The following PRKN variants were observed in gnomAD, a reference collection of about 807,000 sequenced individuals.
The protein encoded by PRKN is parkin RBR E3 ubiquitin protein ligase.
A neutral mutation model predicts 59.5 loss-of-function variants in PRKN; 56 were observed. The ratio of observed to expected loss-of-function variants is 0.94; its 90% confidence interval spans 0.76 to 1.18. The LOEUF (loss-of-function observed/expected upper bound fraction) is 1.18, where lower values mean the gene tolerates loss of function less well. Among genes scored for constraint, PRKN ranks in the 50% most tolerant of loss-of-function variants. The probability of loss-of-function intolerance (pLI) is 0.00; values close to 1 mark genes in which losing one functional copy is unlikely to be tolerated. For synonymous variants in PRKN, 250 were observed against 222.1 expected (o/e 1.13, Z -1.12); for missense variants, 657 against 596.4 (o/e 1.10, Z -1.06).
chr6:162,007,312 T>C (rs2128265708), intron 5 of PRKN, among the ~76,000 whole-genome samples: 1 of 152,274 alleles, frequency 6.6e-6, no homozygotes, highest in Admixed American at 6.5e-5. Context: ...GGGTTCATTC[T>C]TTCATGCTAA....
intron 6 of PRKN, among the ~76,000 whole-genome samples, chr6:161,967,086 T>A (rs1371607116): frequency 6.6e-6 from 1 of 152,156 alleles, no homozygotes; most frequent in South Asian, 2.1e-4. Context: ...CACCTCAGCC[T>A]CCCAAGGTGC....
chr6:161,920,949 C>T (rs1778763707), intron 6 of PRKN, among the ~76,000 whole-genome samples: 1 of 152,146 alleles, frequency 6.6e-6, no homozygotes, highest in Non-Finnish European at 1.5e-5. Flanking sequence ...ATCTAGGTTA[C>T]ACTAAATGTA....
chr6:161,418,297 T>C (rs1002172123), intron 9 of PRKN, among the ~76,000 whole-genome samples: 2 of 152,222 alleles, frequency 1.3e-5, no homozygotes, highest in African/African-American at 4.8e-5. Flanking sequence ...TCCTTGGCAC[T>C]TGAACTGCCT....
chr6:162,177,848 G>A (rs867863456), intron 4 of PRKN, among the ~76,000 whole-genome samples: 7 of 152,146 alleles, frequency 4.6e-5, no homozygotes, highest in South Asian at 2.1e-4. Flanking sequence ...CTGCAGCTGC[G>A]TGCCTCCAAC....
At chr6:162,502,417 CAA>C in intron 1 of PRKN, among the ~76,000 whole-genome samples, 1 of 152,234 alleles carries the variant, frequency 6.6e-6, no homozygotes, top group East Asian at 1.9e-4. Context: ...CAACGCCTCC[CAA>C]AATGCTGGGA....
intron 4 of PRKN, among the ~76,000 whole-genome samples, chr6:162,123,072 C>T (rs1317889081): frequency 6.7e-6 from 1 of 149,640 alleles, no homozygotes; most frequent in African/African-American, 2.5e-5. Context: ...ACTGAAGTAA[C>T]AAGAAAAAAC....
At position 162,178,934 on chromosome 6, in the gene PRKN, C is replaced by T. The variant is rs574698452; in HGVS notation, c.534+22197G>A. ...TCACTGAGGCTGAGTGCAAGTGGTGCGATCACAGCTCGCAGCAGCCTCAAA... is the reference window on the plus strand; with the variant it reads ...TCACTGAGGCTGAGTGCAAGTGGTGTGATCACAGCTCGCAGCAGCCTCAAA... On this transcript the variant is annotated intron_variant, in intron 4 of 11. Transcript: ENST00000366898. Among the ~76,000 whole-genome samples the T allele has an allele frequency of 3.5e-4, 53 of 152,238 alleles. 1 individual carries two copies. Among genetic ancestry groups the T allele is most frequent in the African/African-American group, 1.3e-3 (53 of 41,548 alleles).
chr6:161,980,373 G>T (rs949185725), intron 5 of PRKN, among the ~76,000 whole-genome samples: 2 of 152,116 alleles, frequency 1.3e-5, no homozygotes, highest in Non-Finnish European at 2.9e-5. Flanking sequence ...GGTTGCAAAG[G>T]GTATAGGGTT....
At chr6:162,415,395 C>A (rs1788578023) in intron 2 of PRKN, among the ~76,000 whole-genome samples, 3 of 152,208 alleles carry the variant, frequency 2.0e-5, no homozygotes, top group African/African-American at 7.2e-5. Flanking sequence ...GCTGAAATTG[C>A]CAAATCTTCA....
intron 2 of PRKN, among the ~76,000 whole-genome samples, chr6:162,402,798 A>G (rs1410085980): frequency 6.6e-6 from 1 of 151,904 alleles, no homozygotes; most frequent in African/African-American, 2.4e-5. Flanking sequence ...TAGTAGCTAG[A>G]ATGCCATCAT....
chr6:162,714,975 A>G (rs1778668121), intron 1 of PRKN, among the ~76,000 whole-genome samples: 1 of 152,264 alleles, frequency 6.6e-6, no homozygotes, highest in South Asian at 2.1e-4. Flanking sequence ...AAAAGAAGAA[A>G]GGAAAAAGTC....
chr6:162,041,227 G>C (rs971943749), intron 5 of PRKN, among the ~76,000 whole-genome samples: 1 of 152,070 alleles, frequency 6.6e-6, no homozygotes, highest in Admixed American at 6.6e-5. Flanking sequence ...AATTGGAGCT[G>C]TTCCCAGAGT....
chr6:162,412,864 C>T lies in PRKN; in HGVS notation c.171+30446G>A, dbSNP rs562868407. Among the ~76,000 whole-genome samples the T allele has an allele frequency of 1.2e-3, 186 of 152,076 alleles. No individual in the cohort carries two copies. The Middle Eastern group carries it at 0.014, about 11-fold the overall frequency. On this transcript the variant is annotated intron_variant, in intron 2 of 11. Transcript: ENST00000366898. ...TGTATAGATGGGATATACAAAGGTG[C>T]CGACATTACAGGACTGAAAAAAAGA...
intron 4 of PRKN, among the ~76,000 whole-genome samples, chr6:162,109,123 C>A (rs1780312971): frequency 6.6e-6 from 1 of 152,136 alleles, no homozygotes; most frequent in South Asian, 2.1e-4. Context: ...GGCAGTAACT[C>A]CCAAGTGTTG....
intron 1 of PRKN, among the ~76,000 whole-genome samples, chr6:162,543,825 T>C (rs975416276): frequency 2.0e-5 from 3 of 152,102 alleles, no homozygotes; most frequent in Non-Finnish European, 4.4e-5. Context: ...CAGTCATGTT[T>C]TGGAAAGCTA....
intron 2 of PRKN, among the ~76,000 whole-genome samples, chr6:162,336,835 C>T (rs1290082939): frequency 6.6e-6 from 1 of 152,268 alleles, no homozygotes; most frequent in East Asian, 1.9e-4. Flanking sequence ...TTCAAAGGTA[C>T]TGGTGAGTCC....
At chr6:162,626,751 T>C (rs943775647) in intron 1 of PRKN, among the ~76,000 whole-genome samples, 1 of 150,736 alleles carries the variant, frequency 6.6e-6, no homozygotes, top group Non-Finnish European at 1.5e-5. Context: ...GAGGTGGAGG[T>C]TGCAGTGAGC....
chr6:161,938,227 T>A (rs926030782), intron 6 of PRKN, among the ~76,000 whole-genome samples: 6 of 152,198 alleles, frequency 3.9e-5, no homozygotes, highest in African/African-American at 1.4e-4. Flanking sequence ...CTTACCAGGC[T>A]CCAGCGATAC....
At position 161,763,698 on chromosome 6, in the gene PRKN, G is replaced by A. The variant is rs1032455924; in HGVS notation, c.871+22074C>T. On this transcript the variant is annotated intron_variant, in intron 7 of 11. Transcript: ENST00000366898. ...CCAGCCCCTTTCCCCCCCACAACGT[G>A]CAAAGTGCAATATCACCCATATTAA... Among the ~76,000 whole-genome samples, 11 of 152,096 alleles carry A rather than the reference G, an allele frequency of 7.2e-5. 1 individual carries two copies. The highest frequency in any genetic ancestry group is 6.5e-4 in the Admixed American group (10 of 15,280).
Sources: allele counts gnomAD v4.1 joint callset (sites outside exome capture counted in the v4.1 genomes callset), GRCh38; gene constraint gnomAD v4.1.1; transcripts MANE v1.5; gene names NCBI Gene and HGNC (gene_info 2026-07-23, HGNC 2026-07-21).